KIF3C: variants seen among roughly 807,000 people sequenced by gnomAD.
KIF3C encodes kinesin family member 3C.
Under a neutral mutation model 67.7 loss-of-function variants are expected in KIF3C, and 12 were observed. The ratio of observed to expected loss-of-function variants is 0.18; its 90% CI spans 0.11 to 0.29. The LOEUF (loss-of-function observed/expected upper bound fraction) is 0.29, where lower values mean the gene tolerates loss of function less well. Among genes scored for constraint, KIF3C ranks in the 10% least tolerant of loss-of-function variants. The pLI is 1.00. For missense variants in KIF3C, 789 were observed against 1,059.6 expected, an observed-to-expected ratio of 0.74 and a Z score of 3.55; for synonymous variants, 393 against 426.2, an observed-to-expected ratio of 0.92 and a Z score of 0.96.
intron 5 of KIF3C, 56 bp downstream of exon 5, chr2:25,951,733 C>T (rs1663618251): frequency 4.1e-6 from 5 of 1,221,932 alleles, no homozygotes; most frequent in African/African-American, 3.0e-5. Context: ...TCACCAGCCC[C>T]GACCTGGAGT....
chr2:25,959,024 A>T (rs1167812663), intron 1 of KIF3C, among the ~76,000 whole-genome samples: 2 of 152,136 alleles, frequency 1.3e-5, no homozygotes, highest in Non-Finnish European at 2.9e-5. Context: ...TGGTGAGCCG[A>T]GATCACGCCA....
intron 4 of KIF3C, among the ~76,000 whole-genome samples, chr2:25,952,300 C>CAA (rs566701173): frequency 2.7e-5 from 4 of 146,750 alleles, no homozygotes; most frequent in Non-Finnish European, 6.0e-5. Flanking sequence ...GACTCCGTCT[C>CAA]AAAAAAAAAT....
intron 5 of KIF3C, among the ~76,000 whole-genome samples, chr2:25,939,949 C>G (rs1482518127): frequency 6.6e-6 from 1 of 150,742 alleles, no homozygotes; most frequent in Non-Finnish European, 1.5e-5. Context: ...AACTCTGTCT[C>G]AAAAAAATAA....
chr2:25,938,258 G>A (rs1340284048), intron 5 of KIF3C: 1 of 451,824 alleles, frequency 2.2e-6, no homozygotes, highest in Non-Finnish European at 4.4e-6. Context: ...TACTGAGGAG[G>A]TTACTCAGAG....
chr2:25,968,019 G>A (rs978226667), intron 1 of KIF3C, among the ~76,000 whole-genome samples: 5 of 152,122 alleles, frequency 3.3e-5, no homozygotes, highest in African/African-American at 9.7e-5. Context: ...AACAGACCCC[G>A]CTTCCATCTC....
rs1243952444 is a variant in KIF3C at position 25,951,909 on chromosome 2, G to C, written c.1890-4C>G. 6.2e-7 allele frequency: 1 copy of C among 1,600,056 alleles called. No individual in the cohort carries two copies. The highest frequency in any genetic ancestry group is 8.6e-7 in the Non-Finnish European group (1 of 1,167,424). On this transcript the variant is annotated splice_polypyrimidine_tract_variant and splice_region_variant and intron_variant, in intron 4 of 7. Transcript: ENST00000264712. ...GAAGTTCTCGATGATTAGGTACCTGGGAGCAGGAATGAAGGAGTGATGGGA... is the reference window on the plus strand; with the variant it reads ...GAAGTTCTCGATGATTAGGTACCTGCGAGCAGGAATGAAGGAGTGATGGGA...
intron 4 of KIF3C, among the ~76,000 whole-genome samples, chr2:25,953,801 G>A (rs1663722509): frequency 6.6e-6 from 1 of 151,514 alleles, no homozygotes; most frequent in Non-Finnish European, 1.5e-5. Context: ...CTGAGTAGCT[G>A]GGATTACAAG....
At chr2:25,934,942 TAA>T (rs879902875) in intron 5 of KIF3C, among the ~76,000 whole-genome samples, 1 of 135,276 alleles carries the variant, frequency 7.4e-6, no homozygotes, top group African/African-American at 2.8e-5. Context: ...AGCTCTAATT[TAA>T]AAAAAAAAAA....
At chr2:25,937,780 G>T (rs1663172881) in intron 5 of KIF3C, among the ~76,000 whole-genome samples, 4 of 152,102 alleles carry the variant, frequency 2.6e-5, no homozygotes, top group Non-Finnish European at 4.4e-5. Context: ...GCCAGGTGTG[G>T]TGGCTCACGG....
At chr2:25,968,794 A>G (rs1391524999) in intron 1 of KIF3C, among the ~76,000 whole-genome samples, 1 of 151,796 alleles carries the variant, frequency 6.6e-6, no homozygotes, top group East Asian at 1.9e-4. Context: ...GTGAATCAGC[A>G]AATGGTACAG....
At chr2:25,952,561 ATAT>A (rs1484346560) in intron 4 of KIF3C, among the ~76,000 whole-genome samples, 26 of 86,242 alleles carry the variant, frequency 3.0e-4, no homozygotes, top group East Asian at 2.0e-3. Context: ...ATATATATAT[ATAT>A]TTTTTTTTTT....
intron 1 of KIF3C, among the ~76,000 whole-genome samples, chr2:25,966,181 C>T (rs1330972629): frequency 1.3e-5 from 2 of 151,956 alleles, no homozygotes; most frequent in Non-Finnish European, 2.9e-5. Flanking sequence ...TCTCGGCTCA[C>T]TGCAACCTCT....
chr2:25,966,607 C>A, intron 1 of KIF3C, among the ~76,000 whole-genome samples: 1 of 152,138 alleles, frequency 6.6e-6, no homozygotes, highest in Admixed American at 6.5e-5. Context: ...AGTGCAAAAC[C>A]AGAGCGGGGA....
intron 1 of KIF3C, among the ~76,000 whole-genome samples, chr2:25,962,815 T>C (rs1663992008): frequency 1.2e-5 from 1 of 81,506 alleles, no homozygotes; most frequent in East Asian, 2.5e-4. Flanking sequence ...ATATAATATA[T>C]ATAATATATA....
Position 25,959,022 on chromosome 2 carries a change from C to T in KIF3C, c.1546-2578G>A, listed in dbSNP as rs543860130. On this transcript the variant is annotated intron_variant, in intron 1 of 7. Transcript: ENST00000264712. ...ACGGGAGGCGGAGGTTGTGGTGAGC[C>T]GAGATCACGCCATTGTACTCCAGCC... is the stretch of plus-strand genomic sequence containing the variant. Among the ~76,000 whole-genome samples, 17 of 152,120 alleles carry T rather than the reference C, an allele frequency of 1.1e-4. No homozygotes were observed. In the East Asian group the frequency reaches 2.7e-3, roughly 24 times the overall value.
intron 5 of KIF3C, among the ~76,000 whole-genome samples, chr2:25,941,708 T>A (rs1355428488): frequency 6.6e-6 from 1 of 151,634 alleles, no homozygotes; most frequent in Non-Finnish European, 1.5e-5. Context: ...GCCTGGGCAA[T>A]GTAGTGAGAC....
chr2:25,981,622 G>C lies in KIF3C; in HGVS notation c.296C>G (p.Thr99Arg). 6.2e-7 allele frequency: 1 copy of C among 1,614,186 alleles called. No individual in the cohort carries two copies. Among genetic ancestry groups the C allele is most frequent in the South Asian group, 1.1e-5 (1 of 91,086 alleles). Reference protein sequence around the residue: ...FNGTVFAYGQTGTGKTYTMQG... With the variant: ...FNGTVFAYGQRGTGKTYTMQG... ...CATGGTATAGGTCTTGCCAGTGCCCGTCTGGCCATAGGCAAACACCGTGCC... is the reference window on the plus strand; with the variant it reads ...CATGGTATAGGTCTTGCCAGTGCCCCTCTGGCCATAGGCAAACACCGTGCC... The change falls in exon 1 of 8, where the codon ACG (threonine) becomes AGG (arginine). Residue 99 changes from threonine to arginine, a missense_variant. Thr to Arg is a moderately conservative substitution (Grantham distance 71, BLOSUM62 -1). Coordinates refer to ENST00000264712, the MANE Select transcript of KIF3C (RefSeq NM_002254.8). The surrounding 1 kb of genome is among the most constrained non-coding windows in gnomAD (Gnocchi z 8.2).
intron 4 of KIF3C, among the ~76,000 whole-genome samples, chr2:25,952,760 G>A (rs772414483): frequency 2.0e-5 from 3 of 151,740 alleles, no homozygotes; most frequent in South Asian, 2.1e-4. Context: ...GTTTCACCAC[G>A]TTGGCCAGGC....
At position 25,927,877 on chromosome 2, in the gene KIF3C, G is replaced by C. The variant is rs577448471; in HGVS notation, c.*1101C>G. ...GGAGTATCCCCCTAGGAACCAATTT[G>C]CGTAACTAGTGAATAAAGGATCTAT... On this transcript the variant is annotated 3_prime_UTR_variant, in exon 8 of 8. Coordinates refer to ENST00000264712, the MANE Select transcript of KIF3C (RefSeq NM_002254.8). The C allele has an allele frequency of 6.6e-6, 1 of 152,648 alleles. No homozygotes were observed. The highest frequency in any genetic ancestry group is 2.4e-5 in the African/African-American group (1 of 41,512). 9.5% of individuals were successfully genotyped at this position (152,648 alleles called of 1,614,324 possible). A position where few individuals can be genotyped will look rare whatever the true frequency, so the allele number is the denominator to read the frequency against.
Sources: allele counts gnomAD v4.1 joint callset (sites outside exome capture counted in the v4.1 genomes callset), GRCh38; gene constraint gnomAD v4.1.1; non-coding constraint Gnocchi (gnomAD v3.1); transcripts MANE v1.5; gene names NCBI Gene and HGNC (gene_info 2026-07-23, HGNC 2026-07-21).